ZBTB43: variants seen among roughly 807,000 people sequenced by gnomAD.
ZBTB43 encodes the protein zinc finger and BTB domain containing 43.
ZBTB43 carries 6 observed loss-of-function variants against 31.1 expected under a neutral mutation model. That is an observed-to-expected ratio of 0.19 (90% CI 0.11 to 0.38). ZBTB43 has a LOEUF of 0.38. ZBTB43 is among the 10% of genes least tolerant of loss of function. The pLI, the probability that ZBTB43 is intolerant of heterozygous loss-of-function variation, is 1.00. For synonymous variants in ZBTB43, 212 were observed against 221.7 expected, an observed-to-expected ratio of 0.96 and a Z score of 0.39; for missense variants, 379 against 602.1, an observed-to-expected ratio of 0.63 and a Z score of 3.88.
At chr9:126,815,272 CTATA>C (rs1272445528) in intron 2 of ZBTB43, among the ~76,000 whole-genome samples, 2 of 17,420 alleles carry the variant, frequency 1.1e-4, no homozygotes, top group Non-Finnish European at 3.2e-4. Context: ...ATATATAAAA[CTATA>C]TATATATAGT....
chr9:126,809,064 C>T (rs1312481133), intron 2 of ZBTB43, 149 bp downstream of exon 2: 2 of 152,136 alleles, frequency 1.3e-5, no homozygotes, highest in African/African-American at 4.8e-5. Context: ...GATGTTACAC[C>T]TTCTAAGGCC....
At chr9:126,804,378 G>C (rs559353431), upstream of ZBTB43, among the ~76,000 whole-genome samples, 7 of 152,318 alleles carry the variant, frequency 4.6e-5, no homozygotes, top group South Asian at 1.4e-3. Flanking sequence ...GTGCTGTGAA[G>C]GCAGAAACGG....
chr9:126,814,478 C>A (rs1049306845), intron 2 of ZBTB43, among the ~76,000 whole-genome samples: 2 of 149,572 alleles, frequency 1.3e-5, no homozygotes, highest in Non-Finnish European at 3.0e-5. Context: ...GTGATAAATT[C>A]TTTCAACTTT....
chr9:126,828,647 TAATAATA>T lies in ZBTB43; in HGVS notation c.-23-3838_-23-3832del, dbSNP rs1260919331. Among the ~76,000 whole-genome samples, 48 of 142,286 alleles carry T rather than the reference TAATAATA, an allele frequency of 3.4e-4. 2 individuals carry two copies. In the East Asian group the frequency reaches 7.6e-3, roughly 23 times the overall value. The allele number at this position is 142,286 out of a possible 152,430, so 93.3% of individuals were successfully genotyped here. A position where few individuals can be genotyped will look rare whatever the true frequency, so the allele number is the denominator to read the frequency against. ...CATCTCTAAATAATAATAATAATAA[TAATAATA>T]ATTATTATTATTATTATTATTATTT... On this transcript the variant is annotated intron_variant, in intron 2 of 2. Coordinates refer to ENST00000373464, the MANE Select transcript of ZBTB43 (RefSeq NM_014007.4).
chr9:126,827,275 A>T (rs890732176), intron 2 of ZBTB43, among the ~76,000 whole-genome samples: 1 of 152,228 alleles, frequency 6.6e-6, no homozygotes, highest in African/African-American at 2.4e-5. Flanking sequence ...GGTAGGTGCC[A>T]CCAGGGAAAC....
chr9:126,815,697 C>A (rs2032371401), intron 2 of ZBTB43, among the ~76,000 whole-genome samples: 1 of 148,546 alleles, frequency 6.7e-6, no homozygotes, highest in Admixed American at 6.7e-5. Context: ...CTGTACCTAA[C>A]ATGCTTAATC....
intron 1 of ZBTB43, among the ~76,000 whole-genome samples, chr9:126,805,745 C>T (rs1249171056): frequency 1.3e-5 from 2 of 152,220 alleles, no homozygotes; most frequent in Non-Finnish European, 2.9e-5. Context: ...TTCACCCTGT[C>T]TCTGCCACTC....
At chr9:126,819,279 ATTTTT>A (rs71377975) in intron 2 of ZBTB43, among the ~76,000 whole-genome samples, 1 of 100,196 alleles carries the variant, frequency 1.0e-5, no homozygotes, top group Non-Finnish European at 2.0e-5. Flanking sequence ...CGGATATTGC[ATTTTT>A]TTTTTTTTTT....
chr9:126,815,674 A>G lies in ZBTB43; in HGVS notation c.-24+6759A>G, dbSNP rs185391326. On this transcript the variant is annotated intron_variant, in intron 2 of 2. Coordinates refer to ENST00000373464, the MANE Select transcript of ZBTB43 (RefSeq NM_014007.4). ...TCTCTCTCTCTTTTTTTTTTTTTCAATAGTTTCCCTGTCTGTACCTAACAT... is the reference window on the plus strand; with the variant it reads ...TCTCTCTCTCTTTTTTTTTTTTTCAGTAGTTTCCCTGTCTGTACCTAACAT... Among the ~76,000 whole-genome samples, 444 of 141,808 alleles carry G rather than the reference A, an allele frequency of 3.1e-3. 1 individual carries two copies. The highest frequency in any genetic ancestry group is 4.6e-3 in the Non-Finnish European group (303 of 65,578). The allele number at this position is 141,808 out of a possible 152,430, so 93.0% of individuals were successfully genotyped here.
intron 2 of ZBTB43, chr9:126,832,277 A>T: frequency 3.7e-6 from 2 of 538,166 alleles, no homozygotes; most frequent in Non-Finnish European, 6.6e-6. Flanking sequence ...CAGAACCAAA[A>T]TCAGGAGTTC....
At position 126,833,127 on chromosome 9, in the gene ZBTB43, G is replaced by A. The variant is rs1188576926; in HGVS notation, c.618G>A (p.Leu206=). The A allele has an allele frequency of 6.2e-7, 1 of 1,613,934 alleles. No individual in the cohort carries two copies. Among genetic ancestry groups the A allele is most frequent in the African/African-American group, 1.3e-5 (1 of 74,928 alleles). Residue 206 remains leucine (L), a synonymous_variant, in exon 3 of 3, where the codon CTG becomes CTA. Coordinates refer to ENST00000373464, the MANE Select transcript of ZBTB43 (RefSeq NM_014007.4). This position sits in a 1 kb window ranked among gnomAD's most constrained non-coding sequence, Gnocchi z 7.9. ...PSNSSTEHDR[L]STEMASQDGE... is the part of the protein sequence containing the mutation. Reference sequence around the variant, plus strand: ...ACTCGTCCACAGAGCATGACCGCCTGAGCACGGAAATGGCAAGCCAGGATG... The same window carrying A: ...ACTCGTCCACAGAGCATGACCGCCTAAGCACGGAAATGGCAAGCCAGGATG...
intron 2 of ZBTB43, among the ~76,000 whole-genome samples, chr9:126,816,171 G>A (rs1485275261): frequency 2.0e-5 from 3 of 152,086 alleles, no homozygotes; most frequent in African/African-American, 7.2e-5. Flanking sequence ...TTAACGGGCT[G>A]TACATCGATC....
At chr9:126,807,675 G>A (rs563775775) in intron 1 of ZBTB43, among the ~76,000 whole-genome samples, 54 of 151,738 alleles carry the variant, frequency 3.6e-4, no homozygotes, top group Middle Eastern at 3.4e-3. Flanking sequence ...TCGCCCTGTC[G>A]CCCAGGCTAG....
chr9:126,807,499 G>A (rs1184711910), intron 1 of ZBTB43, among the ~76,000 whole-genome samples: 1 of 152,108 alleles, frequency 6.6e-6, no homozygotes, highest in African/African-American at 2.4e-5. Flanking sequence ...ATTGTCTCAG[G>A]CAGTGACAGC....
chr9:126,814,320 T>C (rs2032321099), intron 2 of ZBTB43, among the ~76,000 whole-genome samples: 2 of 151,578 alleles, frequency 1.3e-5, no homozygotes, highest in Non-Finnish European at 2.9e-5. Context: ...AATTTACATC[T>C]GTAAAATGTA....
intron 2 of ZBTB43, among the ~76,000 whole-genome samples, chr9:126,810,612 T>TGCCTCA (rs1415724914): frequency 6.8e-6 from 1 of 148,104 alleles, no homozygotes; most frequent in Admixed American, 6.9e-5. Context: ...GTGATTCTCC[T>TGCCTCA]GCCTCAGCCT....
chr9:126,804,903 G>A (rs924384131), upstream of ZBTB43: 4 of 152,510 alleles, frequency 2.6e-5, no homozygotes, highest in African/African-American at 4.8e-5. Context: ...CGCTACCTCC[G>A]CGCTCTCTCC....
intron 2 of ZBTB43, among the ~76,000 whole-genome samples, chr9:126,830,068 A>G (rs559984688): frequency 3.2e-4 from 49 of 152,324 alleles, no homozygotes; most frequent in Admixed American, 6.5e-5. Flanking sequence ...ATGTGATAAG[A>G]AAAATCACAT....
intron 2 of ZBTB43, among the ~76,000 whole-genome samples, chr9:126,814,328 G>GTT (rs2032323500): frequency 2.0e-4 from 1 of 5,076 alleles, no homozygotes; most frequent in Non-Finnish European, 3.4e-4. Context: ...TCTGTAAAAT[G>GTT]TAAATTTTAC....
Sources: allele counts gnomAD v4.1 joint callset (sites outside exome capture counted in the v4.1 genomes callset), GRCh38; gene constraint gnomAD v4.1.1; non-coding constraint Gnocchi (gnomAD v3.1); transcripts MANE v1.5; gene names NCBI Gene and HGNC (gene_info 2026-07-23, HGNC 2026-07-21).